Variants in MYCBP2 observed in about 807,000 individuals in gnomAD.
The protein encoded by MYCBP2 is MYC binding protein 2, also known as E3 ubiquitin-protein ligase MYCBP2.
MYCBP2 carries 120 observed loss-of-function variants against 525.3 expected under a neutral mutation model. That is an observed-to-expected ratio of 0.23 (90% CI 0.20 to 0.27). The LOEUF (loss-of-function observed/expected upper bound fraction) is 0.27. Ranked by LOEUF, MYCBP2 falls within the 10% of genes least tolerant of loss-of-function variation. MYCBP2 has a pLI of 1.00. For missense variants in MYCBP2, 4,149 were observed against 5,657.1 expected (o/e 0.73, Z 8.55); for synonymous variants, 1,894 against 1,955.8 (o/e 0.97, Z 0.83).
intron 20 of MYCBP2, among the ~76,000 whole-genome samples, chr13:77,220,686 T>C (rs529591918): frequency 6.6e-5 from 10 of 152,302 alleles, no homozygotes; most frequent in South Asian, 4.1e-4. Flanking sequence ...AGTTAATACA[T>C]ATGCTATAGA....
intron 18 of MYCBP2, among the ~76,000 whole-genome samples, chr13:77,228,937 A>G (rs756499961): frequency 6.6e-6 from 1 of 152,196 alleles, no homozygotes; most frequent in Non-Finnish European, 1.5e-5. Context: ...ACAGTCATGC[A>G]TATAACAGAA....
rs778877797 is a variant in MYCBP2 at position 77,263,765 on chromosome 13, C to T, written c.1456G>A (p.Ala486Thr). The T allele has an allele frequency of 8.1e-6, 13 of 1,612,852 alleles. No individual in the cohort carries two copies. Among genetic ancestry groups the T allele is most frequent in the Non-Finnish European group, 1.0e-5 (12 of 1,179,368 alleles). The change falls in exon 10 of 83, where the codon GCC becomes ACC. Residue 486 changes from alanine to threonine, a missense_variant. By Grantham distance (58) the Ala-to-Thr change is moderately conservative (BLOSUM62 0). This residue lies in a region of MYCBP2 where 262 missense variants were observed against 419.3 expected (regional missense o/e 0.62). Coordinates refer to ENST00000544440, the MANE Select transcript of MYCBP2 (RefSeq NM_015057.5). ...RDDGFVVRIF[A>T]TSTEPVLQQE... is the part of the protein sequence containing the mutation. The stretch of plus-strand genomic sequence containing the variant: ...TGTAGAACAGGTTCAGTGCTTGTGG[C>T]AAATATTCTGACAACAAAGCCATCC...
intron 28 of MYCBP2, among the ~76,000 whole-genome samples, chr13:77,190,944 C>A (rs957950980): frequency 6.6e-6 from 1 of 152,104 alleles, no homozygotes; most frequent in Non-Finnish European, 1.5e-5. Flanking sequence ...ATAGTTTATG[C>A]TCAGGAGTAA....
chr13:77,296,442 A>G (rs1289613832), intron 2 of MYCBP2, among the ~76,000 whole-genome samples, 157 bp downstream of exon 2: 1 of 152,120 alleles, frequency 6.6e-6, no homozygotes, highest in Non-Finnish European at 1.5e-5. Context: ...CAAAAGAAAG[A>G]TGAAACTAAA....
intron 27 of MYCBP2, among the ~76,000 whole-genome samples, chr13:77,192,109 A>G (rs2061350431): frequency 6.6e-6 from 1 of 152,378 alleles, no homozygotes; most frequent in East Asian, 1.9e-4. Flanking sequence ...ATTAAAAAAC[A>G]TTCAAATTTT....
chr13:77,215,865 G>A (rs1426126087), intron 21 of MYCBP2, among the ~76,000 whole-genome samples: 1 of 152,140 alleles, frequency 6.6e-6, no homozygotes, highest in Non-Finnish European at 1.5e-5. Context: ...ATAGGTATGA[G>A]CCACCACACC....
At position 77,297,950 on chromosome 13, in the gene MYCBP2, A is replaced by G. The variant is rs566834950; in HGVS notation, c.303-1276T>C. On this transcript the variant is annotated intron_variant, in intron 1 of 82. Coordinates refer to ENST00000544440, the MANE Select transcript of MYCBP2 (RefSeq NM_015057.5). ...TCTGCACATCCATACCCTTCAATCC[A>G]TTCTTCACATAGGAACCTAACTCAA... is the stretch of plus-strand genomic sequence containing the variant. 2.4e-3 allele frequency among the ~76,000 whole-genome samples: 373 copies of G among 152,274 alleles called. 1 individual carries two copies. The highest frequency in any genetic ancestry group is 3.7e-3 in the Non-Finnish European group (255 of 68,020).
At chr13:77,054,662 A>T (rs1239800043) in intron 80 of MYCBP2, among the ~76,000 whole-genome samples, 1 of 150,762 alleles carries the variant, frequency 6.6e-6, no homozygotes, top group Non-Finnish European at 1.5e-5. Context: ...CTGCAGTGGC[A>T]CAAACACAGC....
chr13:77,064,726 C>A lies in MYCBP2; in HGVS notation c.12561G>T (p.Leu4187=), dbSNP rs767991328. ...TTGTCACTCGGGACCAAGCTTCTGA[C>A]AGATGACCCTATTGAGCAGAACAGA... ...KLIKDMAAGH[L]SEAWSRVTKN... The change falls in exon 73 of 83, where the codon CTG becomes CTT. Residue 4187 remains leucine (L), a synonymous_variant. Coordinates refer to ENST00000544440, the MANE Select transcript of MYCBP2 (RefSeq NM_015057.5). 7 of 1,613,726 alleles carry A rather than the reference C, an allele frequency of 4.3e-6. No individual in the cohort carries two copies. The highest frequency in any genetic ancestry group is 5.1e-6 in the Non-Finnish European group (6 of 1,179,768).
At chr13:77,170,738 G>A (rs2059052651) in intron 38 of MYCBP2, among the ~76,000 whole-genome samples, 1 of 151,918 alleles carries the variant, frequency 6.6e-6, no homozygotes. Flanking sequence ...CACCACGCCT[G>A]GCTAATTTTT....
intron 73 of MYCBP2, 143 bp from the exon 74 acceptor site, chr13:77,062,840 T>G: frequency 1.5e-6 from 1 of 652,878 alleles, no homozygotes; most frequent in Admixed American, 2.6e-5. Context: ...GTCTTCCTGA[T>G]GTGGTAGCAG....
intron 7 of MYCBP2, among the ~76,000 whole-genome samples, chr13:77,269,575 G>A (rs536987759): frequency 5.3e-5 from 8 of 152,164 alleles, no homozygotes; most frequent in South Asian, 2.1e-4. Flanking sequence ...GCAGTGAGCC[G>A]AGACTGTGCC....
At chr13:77,290,465 A>G (rs1340096828) in intron 2 of MYCBP2, among the ~76,000 whole-genome samples, 4 of 152,224 alleles carry the variant, frequency 2.6e-5, no homozygotes, top group Admixed American at 1.3e-4. Context: ...AACAACTCAG[A>G]TATCTTTTAA....
chr13:77,178,185 T>A (rs1161235933), intron 34 of MYCBP2, among the ~76,000 whole-genome samples: 3 of 152,246 alleles, frequency 2.0e-5, no homozygotes, highest in African/African-American at 2.4e-5. Context: ...TATGAAACTA[T>A]ACTTTCCACT....
chr13:77,173,071 T>C (rs1333271377), intron 37 of MYCBP2, among the ~76,000 whole-genome samples: 1 of 152,144 alleles, frequency 6.6e-6, no homozygotes, highest in Non-Finnish European at 1.5e-5. Context: ...CAAATGAAGA[T>C]GTCAGAAGAG....
chr13:77,117,376 A>G (rs2049963465), intron 55 of MYCBP2, among the ~76,000 whole-genome samples: 1 of 152,100 alleles, frequency 6.6e-6, no homozygotes, highest in East Asian at 1.9e-4. Context: ...AGAAAAGTTT[A>G]TACTCTTGTG....
At position 77,205,496 on chromosome 13, in the gene MYCBP2, T is replaced by C. The variant is rs747979769; in HGVS notation, c.3692A>G (p.Tyr1231Cys). 1.9e-6 allele frequency: 3 copies of C among 1,613,544 alleles called. No individual in the cohort carries two copies. The highest frequency in any genetic ancestry group is 3.3e-5 in the Admixed American group (2 of 59,910). Reference sequence around the variant, plus strand: ...ACTTTCAAACCTGTTTACCACACTATAATCTTCTTTAGAATAAACCTTCAT... The same window carrying C: ...ACTTTCAAACCTGTTTACCACACTACAATCTTCTTTAGAATAAACCTTCAT... ...AVMKVYSKED[Y>C]SVVNRFESHG... Residue 1231 changes from tyrosine (Y) to cysteine (C), a missense_variant, in exon 25 of 83, where the codon TAT becomes TGT. Physicochemically the swap from Tyr to Cys is radical, Grantham distance 194 (BLOSUM62 -2). This residue lies in a region of MYCBP2 where 620 missense variants were observed against 795.5 expected (regional missense o/e 0.78). Coordinates refer to ENST00000544440, the MANE Select transcript of MYCBP2 (RefSeq NM_015057.5).
chr13:77,062,499 T>C (rs945385084), intron 74 of MYCBP2, 97 bp downstream of exon 74: 9 of 1,002,868 alleles, frequency 9.0e-6, no homozygotes, highest in Non-Finnish European at 1.2e-5. Flanking sequence ...TAACTGTTTA[T>C]GTTGATGTGT....
intron 50 of MYCBP2, 31 bp downstream of exon 50, chr13:77,140,815 G>T: frequency 6.6e-7 from 1 of 1,509,948 alleles, no homozygotes; most frequent in South Asian, 1.2e-5. Context: ...AAAATTGAAT[G>T]ATTCCGGCTC....
Sources: allele counts gnomAD v4.1 joint callset (sites outside exome capture counted in the v4.1 genomes callset), GRCh38; gene constraint gnomAD v4.1.1; regional missense constraint gnomAD v4.1.1; transcripts MANE v1.5; gene names NCBI Gene and HGNC (gene_info 2026-07-23, HGNC 2026-07-21).